BTG3: variants seen among roughly 807,000 people sequenced by gnomAD.
BTG3 encodes protein BTG3.
In BTG3, 4 loss-of-function variants were observed where a neutral mutation model predicts 25.8. That is an observed-to-expected ratio of 0.16 (90% confidence interval 0.08 to 0.36). The LOEUF is 0.36. BTG3 is among the 10% of genes least tolerant of loss of function. BTG3 has a pLI of 1.00. For synonymous variants in BTG3, 107 were observed against 99.9 expected (o/e 1.07, Z -0.42); for missense variants, 201 against 304.9 (o/e 0.66, Z 2.54).
At chr21:17,604,123 G>A (rs747572383) in intron 3 of BTG3, 31 of 1,283,086 alleles carry the variant, frequency 2.4e-5, no homozygotes, top group Non-Finnish European at 3.2e-5. Flanking sequence ...ATAAAACCAC[G>A]AAGTATCACT....
chr21:17,597,904 C>T (rs1169125329), intron 4 of BTG3, among the ~76,000 whole-genome samples: 1 of 152,098 alleles, frequency 6.6e-6, no homozygotes, highest in Non-Finnish European at 1.5e-5. Flanking sequence ...GTATGTTTCA[C>T]ATTTAATCAA....
rs1205852158 is a variant in BTG3 at position 17,612,727 on chromosome 21, G to T, written c.-37C>A. 1 of 153,192 alleles carries T rather than the reference G, an allele frequency of 6.5e-6. No homozygotes were observed. The highest frequency in any genetic ancestry group is 1.9e-4 in the East Asian group (1 of 5,194). The allele number at this position is 153,192 out of a possible 1,614,324, so 9.5% of individuals were successfully genotyped here. On this transcript the variant is annotated 5_prime_UTR_variant, in exon 1 of 5. Coordinates refer to ENST00000348354, the MANE Select transcript of BTG3 (RefSeq NM_006806.5). ...CGCTGCCGCCGCCGCTCTTCGGCCGGAGATTCGGCGGCCCAGACCGTGTCC... is the reference window on the plus strand; with the variant it reads ...CGCTGCCGCCGCCGCTCTTCGGCCGTAGATTCGGCGGCCCAGACCGTGTCC...
chr21:17,609,868 C>G (rs1398241578), intron 1 of BTG3, among the ~76,000 whole-genome samples: 2 of 151,984 alleles, frequency 1.3e-5, no homozygotes, highest in African/African-American at 4.8e-5. Context: ...ATGGGTGAAC[C>G]TTGAACACAG....
intron 2 of BTG3, 149 bp downstream of exon 2, chr21:17,608,823 G>C (rs1263434584): frequency 1.3e-6 from 1 of 747,870 alleles, no homozygotes; most frequent in African/African-American, 1.8e-5. Context: ...GTTTTAAAAT[G>C]AGTAAGGAGA....
intron 2 of BTG3, among the ~76,000 whole-genome samples, chr21:17,607,813 ATGTT>A (rs1455919785): frequency 4.6e-5 from 7 of 152,230 alleles, no homozygotes; most frequent in South Asian, 2.1e-4. Flanking sequence ...AAATGGGACA[ATGTT>A]TGGCAGCTGA....
chr21:17,607,730 CAAAT>C (rs1186947828), intron 2 of BTG3, among the ~76,000 whole-genome samples: 2 of 152,184 alleles, frequency 1.3e-5, no homozygotes, highest in Non-Finnish European at 2.9e-5. Context: ...TCAATATACA[CAAAT>C]AAAAGAGTAT....
At chr21:17,611,091 C>T (rs2061715798) in intron 1 of BTG3, among the ~76,000 whole-genome samples, 1 of 152,204 alleles carries the variant, frequency 6.6e-6, no homozygotes, top group Admixed American at 6.5e-5. Context: ...ATACATAACC[C>T]CAGCCCACCA....
chr21:17,600,672 C>A (rs1229372744), intron 3 of BTG3, among the ~76,000 whole-genome samples: 1 of 151,420 alleles, frequency 6.6e-6, no homozygotes, highest in Admixed American at 6.6e-5. Flanking sequence ...AACAAAAAAA[C>A]AAGAACAAAA....
At chr21:17,610,180 A>G (rs1249270248) in intron 1 of BTG3, among the ~76,000 whole-genome samples, 2 of 152,242 alleles carry the variant, frequency 1.3e-5, no homozygotes, top group South Asian at 4.1e-4. Context: ...GGAAACCAAG[A>G]AAAGGAGCAT....
At chr21:17,608,839 T>A (rs1193308181) in intron 2 of BTG3, 133 bp downstream of exon 2, 2 of 878,520 alleles carry the variant, frequency 2.3e-6, no homozygotes, top group African/African-American at 1.7e-5. Context: ...GGAGAAAATA[T>A]ACAAACACCC....
chr21:17,600,694 CAG>C (rs987389337), intron 3 of BTG3, among the ~76,000 whole-genome samples: 9 of 151,964 alleles, frequency 5.9e-5, no homozygotes, highest in African/African-American at 1.9e-4. Flanking sequence ...ATTAAAAAAA[CAG>C]AAAAGAAAAT....
At chr21:17,610,000 C>T (rs978455940) in intron 1 of BTG3, among the ~76,000 whole-genome samples, 2 of 152,040 alleles carry the variant, frequency 1.3e-5, no homozygotes. Flanking sequence ...GCAGTTAAAA[C>T]GAATGAGTAC....
chr21:17,602,724 CA>C (rs1470964428), intron 3 of BTG3, among the ~76,000 whole-genome samples: 1 of 152,096 alleles, frequency 6.6e-6, no homozygotes, highest in Non-Finnish European at 1.5e-5. Flanking sequence ...AAGATGAAAG[CA>C]AAGTAGCAGT....
intron 3 of BTG3, among the ~76,000 whole-genome samples, chr21:17,602,361 AT>A (rs796208042): frequency 9.9e-5 from 15 of 151,676 alleles, no homozygotes; most frequent in African/African-American, 2.9e-4. Context: ...GTGCATCTCA[AT>A]TTTTTTTTAC....
intron 2 of BTG3, 122 bp downstream of exon 2, chr21:17,608,850 C>T: frequency 3.1e-6 from 3 of 953,950 alleles, no homozygotes; most frequent in Non-Finnish European, 4.5e-6. Context: ...ACAAACACCC[C>T]AGAGTTCTAT....
intron 3 of BTG3, among the ~76,000 whole-genome samples, chr21:17,601,098 G>A (rs1456736688): frequency 2.0e-5 from 3 of 152,096 alleles, no homozygotes; most frequent in African/African-American, 4.8e-5. Flanking sequence ...GGGAGGCAGA[G>A]GTTGCAGTGA....
rs940939405 is a variant in BTG3 at position 17,604,922 on chromosome 21, A to G, written c.249T>C (p.Tyr83=). Residue 83 remains tyrosine, a synonymous_variant, in exon 3 of 5, where the codon TAT becomes TAC. Coordinates refer to ENST00000348354, the MANE Select transcript of BTG3 (RefSeq NM_006806.5). ...GCTCCTTTGGCAAGCCCAGGTCACTATACAAGATGCAGCTGTTTTCACAGG... is the reference window on the plus strand; with the variant it reads ...GCTCCTTTGGCAAGCCCAGGTCACTGTACAAGATGCAGCTGTTTTCACAGG... ...LKACENSCIL[Y]SDLGLPKELT... 1 of 1,614,210 alleles carries G rather than the reference A, an allele frequency of 6.2e-7. No individual in the cohort carries two copies. The highest frequency in any genetic ancestry group is 1.3e-5 in the African/African-American group (1 of 75,066).
intron 4 of BTG3, among the ~76,000 whole-genome samples, chr21:17,596,522 T>C (rs1432327585): frequency 6.6e-6 from 1 of 152,070 alleles, no homozygotes; most frequent in Non-Finnish European, 1.5e-5. Flanking sequence ...TCCAGTTGTT[T>C]CAGCACAAGT....
intron 3 of BTG3, among the ~76,000 whole-genome samples, chr21:17,600,678 C>CA (rs202036579): frequency 0.01 from 1,593 of 151,820 alleles, 14 homozygotes; most frequent in Middle Eastern, 0.034. Context: ...AAAACAAGAA[C>CA]AAAAAATTAA....
Sources: allele counts gnomAD v4.1 joint callset (sites outside exome capture counted in the v4.1 genomes callset), GRCh38; gene constraint gnomAD v4.1.1; transcripts MANE v1.5; gene names NCBI Gene and HGNC (gene_info 2026-07-23, HGNC 2026-07-21).